The following HOOK3 variants were observed in gnomAD, a reference collection of about 807,000 sequenced individuals.
The protein encoded by HOOK3 is hook microtubule tethering protein 3, also known as protein Hook homolog 3.
In HOOK3, 24 loss-of-function variants were observed where a neutral mutation model predicts 116.3. The observed-to-expected ratio is 0.21, with a 90% confidence interval of 0.15 to 0.29. The LOEUF is 0.29. Among genes scored for constraint, HOOK3 ranks in the 10% least tolerant of loss-of-function variants. The pLI, the probability that HOOK3 is intolerant of heterozygous loss-of-function variation, is 1.00. For missense variants in HOOK3, 632 were observed against 830.2 expected, an observed-to-expected ratio of 0.76 and a Z score of 2.93; for synonymous variants, 275 against 283.0, an observed-to-expected ratio of 0.97 and a Z score of 0.28.
chr8:42,898,813 T>C (rs1807120091), intron 1 of HOOK3, among the ~76,000 whole-genome samples: 1 of 152,212 alleles, frequency 6.6e-6, no homozygotes, highest in Admixed American at 6.5e-5. Flanking sequence ...AAGTTGAAAA[T>C]GCATTTCATA....
chr8:42,983,423 A>G (rs1019098759), intron 14 of HOOK3, among the ~76,000 whole-genome samples: 2 of 151,894 alleles, frequency 1.3e-5, no homozygotes, highest in African/African-American at 2.4e-5. Flanking sequence ...ATGACTCCCC[A>G]TCTTAACTAT....
chr8:42,977,440 CTCAA>C (rs1278337051), intron 13 of HOOK3, among the ~76,000 whole-genome samples: 6 of 152,066 alleles, frequency 3.9e-5, no homozygotes, highest in Non-Finnish European at 7.4e-5. Flanking sequence ...AGACCCAAAG[CTCAA>C]TCATTTAGGT....
At chr8:42,914,250 A>G (rs1807488697) in intron 2 of HOOK3, among the ~76,000 whole-genome samples, 1 of 152,114 alleles carries the variant, frequency 6.6e-6, no homozygotes, top group African/African-American at 2.4e-5. Context: ...ATTTGGGTGG[A>G]TATAGTACTC....
At chr8:42,919,784 A>G (rs966028267) in intron 2 of HOOK3, among the ~76,000 whole-genome samples, 5 of 152,206 alleles carry the variant, frequency 3.3e-5, no homozygotes, top group Non-Finnish European at 5.9e-5. Context: ...CCACCAAAAA[A>G]TATGAAAACC....
intron 2 of HOOK3, among the ~76,000 whole-genome samples, chr8:42,922,783 C>A (rs566031882): frequency 7.3e-5 from 11 of 150,656 alleles, no homozygotes; most frequent in African/African-American, 2.7e-4. Flanking sequence ...GCCTGTAAGC[C>A]CAGCTACTTG....
chr8:42,959,209 T>G, intron 7 of HOOK3, 22 bp from the exon 8 acceptor site: 1 of 1,517,084 alleles, frequency 6.6e-7, no homozygotes, highest in Non-Finnish European at 9.1e-7. Context: ...ATTAAAATGT[T>G]TATCTCTTTG....
chr8:42,900,853 AGCTT>A (rs1807172875), intron 1 of HOOK3, among the ~76,000 whole-genome samples: 1 of 152,088 alleles, frequency 6.6e-6, no homozygotes, highest in Non-Finnish European at 1.5e-5. Flanking sequence ...TCATCTGGAG[AGCTT>A]GCTAAAACAC....
chr8:42,937,351 G>GTT (rs1327065736), intron 4 of HOOK3, among the ~76,000 whole-genome samples: 1 of 123,652 alleles, frequency 8.1e-6, no homozygotes, highest in African/African-American at 3.8e-5. Context: ...TGGATTCATT[G>GTT]ATTTTTTTTT....
At chr8:42,978,514 G>T (rs552524611) in intron 13 of HOOK3, among the ~76,000 whole-genome samples, 1 of 151,760 alleles carries the variant, frequency 6.6e-6, no homozygotes, top group African/African-American at 2.4e-5. Context: ...GGTTTCAAGC[G>T]ATTCTCCTGC....
At chr8:42,930,777 C>T (rs938087265) in intron 4 of HOOK3, among the ~76,000 whole-genome samples, 1 of 152,194 alleles carries the variant, frequency 6.6e-6, no homozygotes, top group African/African-American at 2.4e-5. Context: ...CCCTATTACT[C>T]AAGCCCAGAA....
Position 42,897,194 on chromosome 8 carries a change from T to G in HOOK3, c.57+6T>G. On this transcript the variant is annotated splice_donor_region_variant and intron_variant, in intron 1 of 21. Coordinates refer to ENST00000307602, the MANE Select transcript of HOOK3 (RefSeq NM_032410.4). ...GCGAGAGCCTCCTCACTTGGGTACG[T>G]GGGGGCCGCGGGCCGGCGGGAAGAC... 4.8e-6 allele frequency: 6 copies of G among 1,239,260 alleles called. No homozygotes were observed. Among genetic ancestry groups the G allele is most frequent in the Non-Finnish European group, 6.1e-6 (6 of 987,620 alleles). 76.8% of individuals were successfully genotyped at this position (1,239,260 alleles called of 1,614,324 possible). A position where few individuals can be genotyped will look rare whatever the true frequency, so the allele number is the denominator to read the frequency against.
rs149673072 is a variant in HOOK3 at position 42,997,603 on chromosome 8, A to C, written c.1586A>C (p.Lys529Thr). 25 of 1,610,144 alleles carry C rather than the reference A, an allele frequency of 1.6e-5. No individual in the cohort carries two copies. The East Asian group carries it at 5.4e-4, about 35-fold the overall frequency. The change falls in exon 16 of 22, where the codon AAA (lysine) becomes ACA (threonine). Residue 529 changes from lysine to threonine, a missense_variant. Physicochemically the swap from Lys to Thr is moderately conservative, Grantham distance 78. Transcript: ENST00000307602. ...EVQSQVEELQKSLQDQGSKAE... is the reference protein window; with the variant it reads ...EVQSQVEELQTSLQDQGSKAE... ...CAGTCACAAGTTGAAGAATTACAAA[A>C]ATCTTTACAGGATCAAGGCTCAAAA...
At position 43,028,602 on chromosome 8, in the gene HOOK3, T is replaced by C. The variant is rs764701420; in HGVS notation, c.*10104T>C. 1 of 189,606 alleles carries C rather than the reference T, an allele frequency of 5.3e-6. No homozygotes were observed. Among genetic ancestry groups the C allele is most frequent in the Non-Finnish European group, 1.1e-5 (1 of 90,422 alleles). 11.7% of individuals were successfully genotyped at this position (189,606 alleles called of 1,614,324 possible). ...TTATCTTCATAACTTCCTGCTCTTA[T>C]TAACTTGTATTATGAATCAAATTAA... On this transcript the variant is annotated 3_prime_UTR_variant, in exon 22 of 22. Transcript: ENST00000307602.
In HOOK3 at chr8:42,950,566, T is replaced by A. The variant is rs1006536506; in HGVS notation, c.468+111T>A. 1.2e-5 allele frequency: 7 copies of A among 604,218 alleles called. No homozygotes were observed. The Admixed American group carries it at 1.9e-4, about 17-fold the overall frequency. 37.4% of individuals were successfully genotyped at this position (604,218 alleles called of 1,614,324 possible). On this transcript the variant is annotated intron_variant, in intron 6 of 21. Transcript: ENST00000307602. ...GATTCTCCTCATTTTTAAAGAGTTT[T>A]TACTTTGCATTTATGATATAGCTTT...
At chr8:42,962,018 C>T (rs1297264562) in intron 8 of HOOK3, among the ~76,000 whole-genome samples, 1 of 152,002 alleles carries the variant, frequency 6.6e-6, no homozygotes, top group African/African-American at 2.4e-5. Context: ...AACTCCTGAG[C>T]TCCGGTGATC....
rs566025745 is a variant in HOOK3 at position 42,972,680 on chromosome 8, G to A, written c.1123-609G>A. On this transcript the variant is annotated intron_variant, in intron 11 of 21. Transcript: ENST00000307602. Reference sequence around the variant, plus strand: ...TTCCCAAAGTGCTGGGATTACAGGCGTGAGCCACTGCACTTAGCCCCCAAG... The same window carrying A: ...TTCCCAAAGTGCTGGGATTACAGGCATGAGCCACTGCACTTAGCCCCCAAG... Among the ~76,000 whole-genome samples, 8 of 152,304 alleles carry A rather than the reference G, an allele frequency of 5.3e-5. No individual in the cohort carries two copies. In the South Asian group the frequency reaches 6.2e-4, roughly 12 times the overall value.
intron 1 of HOOK3, among the ~76,000 whole-genome samples, chr8:42,898,189 AGTATTGCCTTAC>A (rs1807088617): frequency 1.3e-5 from 2 of 152,386 alleles, no homozygotes; most frequent in African/African-American, 2.4e-5. Flanking sequence ...AGGCTGGAGA[AGTATTGCCTTAC>A]GTTGGTTGTT....
intron 5 of HOOK3, among the ~76,000 whole-genome samples, chr8:42,945,931 T>C (rs1261068240): frequency 1.3e-5 from 2 of 152,134 alleles, no homozygotes; most frequent in Non-Finnish European, 2.9e-5. Flanking sequence ...AATTAATATC[T>C]TTTTTATAGT....
chr8:42,997,542 A>G lies in HOOK3; in HGVS notation c.1533-8A>G. The G allele has an allele frequency of 6.3e-7, 1 of 1,575,818 alleles. No homozygotes were observed. Among genetic ancestry groups the G allele is most frequent in the Non-Finnish European group, 8.7e-7 (1 of 1,152,520 alleles). The stretch of plus-strand genomic sequence containing the variant: ...CACTTGGAAAATTAATGTACATTTC[A>G]TTTCTAGGCTGGTGAATCAAAGACT... On this transcript the variant is annotated splice_region_variant and splice_polypyrimidine_tract_variant and intron_variant, in intron 15 of 21. Transcript: ENST00000307602.
Sources: allele counts gnomAD v4.1 joint callset (sites outside exome capture counted in the v4.1 genomes callset), GRCh38; gene constraint gnomAD v4.1.1; transcripts MANE v1.5; gene names NCBI Gene and HGNC (gene_info 2026-07-23, HGNC 2026-07-21).